EBF1: variants seen among roughly 807,000 people sequenced by gnomAD.
EBF1 encodes EBF transcription factor 1.
In EBF1, 10 loss-of-function variants were observed where a neutral mutation model predicts 68.4. The observed-to-expected ratio is 0.15, with a 90% CI of 0.09 to 0.25. EBF1 has a LOEUF of 0.25. EBF1 is among the 10% of genes least tolerant of loss of function. EBF1 has a pLI of 1.00. For synonymous variants in EBF1, 298 were observed against 299.8 expected (o/e 0.99, Z 0.06); for missense variants, 509 against 794.4 (o/e 0.64, Z 4.32).
At chr5:158,926,451 C>T (rs1039817676) in intron 6 of EBF1, among the ~76,000 whole-genome samples, 3 of 152,034 alleles carry the variant, frequency 2.0e-5, no homozygotes, top group Admixed American at 6.6e-5. Context: ...ATTGGCCGGG[C>T]GCAGTGGATC....
intron 6 of EBF1, among the ~76,000 whole-genome samples, chr5:158,852,269 A>G (rs1793104139): frequency 1.3e-5 from 2 of 152,072 alleles, no homozygotes; most frequent in Non-Finnish European, 1.5e-5. Flanking sequence ...GATGAAAAGT[A>G]TTTTGAAACT....
At chr5:158,804,120 A>C (rs1781134314) in intron 8 of EBF1, among the ~76,000 whole-genome samples, 1 of 151,048 alleles carries the variant, frequency 6.6e-6, no homozygotes, top group Non-Finnish European at 1.5e-5. Context: ...AAGTGACTTC[A>C]TTTGGCAAGA....
chr5:158,962,403 A>G (rs142862679), intron 6 of EBF1, among the ~76,000 whole-genome samples: 2 of 152,248 alleles, frequency 1.3e-5, no homozygotes, highest in East Asian at 3.9e-4. Context: ...CCCATCTACA[A>G]GGCAACAACA....
At chr5:159,002,694 A>G (rs1169158196) in intron 6 of EBF1, among the ~76,000 whole-genome samples, 2 of 152,260 alleles carry the variant, frequency 1.3e-5, no homozygotes, top group Non-Finnish European at 2.9e-5. Flanking sequence ...AAGGAGTGCT[A>G]TTCAAAGGAT....
intron 10 of EBF1, among the ~76,000 whole-genome samples, chr5:158,763,594 T>C (rs938632215): frequency 6.6e-6 from 1 of 152,156 alleles, no homozygotes; most frequent in Non-Finnish European, 1.5e-5. Flanking sequence ...ACATATCACA[T>C]ATTGGAAGGT....
chr5:158,701,140 G>A (rs192397610), intron 15 of EBF1, among the ~76,000 whole-genome samples: 3 of 152,116 alleles, frequency 2.0e-5, no homozygotes, highest in Non-Finnish European at 2.9e-5. Context: ...TAAAGACAGC[G>A]GGAGTTTTAA....
intron 6 of EBF1, among the ~76,000 whole-genome samples, chr5:158,972,091 A>C (rs1255851450): frequency 6.6e-6 from 1 of 152,248 alleles, no homozygotes; most frequent in East Asian, 1.9e-4. Context: ...TTCAGCTTAC[A>C]CAAAAGCCAA....
At chr5:158,814,315 A>T (rs1388475682) in intron 8 of EBF1, among the ~76,000 whole-genome samples, 1 of 152,174 alleles carries the variant, frequency 6.6e-6, no homozygotes, top group Non-Finnish European at 1.5e-5. Flanking sequence ...TGCACTTCAT[A>T]GCCTGGGCAA....
intron 6 of EBF1, among the ~76,000 whole-genome samples, chr5:158,879,342 T>C (rs1798404094): frequency 6.6e-6 from 1 of 152,158 alleles, no homozygotes; most frequent in Non-Finnish European, 1.5e-5. Flanking sequence ...AGAGAGTACA[T>C]GCGTCAAGAT....
intron 6 of EBF1, among the ~76,000 whole-genome samples, chr5:158,862,245 G>T (rs1795080666): frequency 6.6e-6 from 1 of 152,140 alleles, no homozygotes; most frequent in Non-Finnish European, 1.5e-5. Context: ...AAAGGTCAAG[G>T]TAACTTCAGA....
At position 159,004,322 on chromosome 5, in the gene EBF1, G is replaced by T. The variant is rs144213277; in HGVS notation, c.554+69074C>A. 8.2e-3 allele frequency among the ~76,000 whole-genome samples: 1,246 copies of T among 151,528 alleles called. 8 individuals carry two copies. The highest frequency in any genetic ancestry group is 0.013 in the Non-Finnish European group (888 of 67,900). On this transcript the variant is annotated intron_variant, in intron 6 of 15. Coordinates refer to ENST00000313708, the MANE Select transcript of EBF1 (RefSeq NM_024007.5). ...GCTTCTCAGTGATATCAAATTTGAG[G>T]TCTCATTTCCTCCTCACTCTGACTA...
chr5:158,901,336 T>A (rs937121880), intron 6 of EBF1, among the ~76,000 whole-genome samples: 2 of 152,230 alleles, frequency 1.3e-5, no homozygotes, highest in Admixed American at 1.3e-4. Flanking sequence ...AATTATTTAT[T>A]TAATTTTCCT....
intron 7 of EBF1, among the ~76,000 whole-genome samples, chr5:158,837,044 G>A (rs1426751443): frequency 6.6e-6 from 1 of 152,170 alleles, no homozygotes; most frequent in Non-Finnish European, 1.5e-5. Context: ...TTGGGACAGT[G>A]GCACTGTCAC....
At chr5:158,983,168 T>C (rs969444608) in intron 6 of EBF1, 1 of 152,122 alleles carries the variant, frequency 6.6e-6, no homozygotes, top group Non-Finnish European at 1.5e-5. Context: ...AGTATAAGGG[T>C]TCTCTTTGTC....
intron 6 of EBF1, among the ~76,000 whole-genome samples, chr5:158,860,344 G>A (rs535727208): frequency 6.6e-6 from 1 of 152,122 alleles, no homozygotes; most frequent in Non-Finnish European, 1.5e-5. Context: ...TATGACTAAG[G>A]CCAATATCTG....
At chr5:158,906,172 C>T (rs1293148692) in intron 6 of EBF1, among the ~76,000 whole-genome samples, 1 of 151,998 alleles carries the variant, frequency 6.6e-6, no homozygotes, top group African/African-American at 2.4e-5. Context: ...AAGCTTCTCT[C>T]TTTGCCAGTA....
At chr5:158,955,247 C>T (rs545645931) in intron 6 of EBF1, among the ~76,000 whole-genome samples, 6 of 151,952 alleles carry the variant, frequency 3.9e-5, no homozygotes, top group East Asian at 1.9e-4. Flanking sequence ...CGCTTGAATC[C>T]GGGAGGCAGG....
At chr5:158,727,384 G>C (rs1763219864) in intron 11 of EBF1, among the ~76,000 whole-genome samples, 1 of 152,188 alleles carries the variant, frequency 6.6e-6, no homozygotes, top group African/African-American at 2.4e-5. Context: ...CTTGCCCAAT[G>C]TGTCTGGATT....
intron 6 of EBF1, among the ~76,000 whole-genome samples, chr5:158,889,689 C>T (rs78140229): frequency 7.4e-4 from 113 of 152,242 alleles, no homozygotes; most frequent in African/African-American, 2.6e-3. Flanking sequence ...ACAGATTAGA[C>T]CCAGAGGGAT....
Sources: allele counts gnomAD v4.1 joint callset (sites outside exome capture counted in the v4.1 genomes callset), GRCh38; gene constraint gnomAD v4.1.1; transcripts MANE v1.5; gene names NCBI Gene and HGNC (gene_info 2026-07-23, HGNC 2026-07-21).